PLA2G4C: variants seen among roughly 807,000 people sequenced by gnomAD.
PLA2G4C encodes the protein phospholipase A2 group IVC, also known as cytosolic phospholipase A2 gamma.
In PLA2G4C, 64 loss-of-function variants were observed where a neutral mutation model predicts 73.8. The observed-to-expected ratio is 0.87, with a 90% CI of 0.71 to 1.07. The LOEUF (loss-of-function observed/expected upper bound fraction) is 1.07. Among genes scored for constraint, PLA2G4C ranks in the 50% least tolerant of loss-of-function variants. PLA2G4C has a pLI of 0.00. For synonymous variants in PLA2G4C, 254 were observed against 252.1 expected (o/e 1.01, Z -0.07); for missense variants, 622 against 665.4 (o/e 0.93, Z 0.72).
At chr19:48,095,882 C>G (rs561886370) in intron 6 of PLA2G4C, among the ~76,000 whole-genome samples, 1 of 152,312 alleles carries the variant, frequency 6.6e-6, no homozygotes, top group South Asian at 2.1e-4. Flanking sequence ...GTGGCTGCAA[C>G]TCCATGGAAT....
rs2031229012 is a variant in PLA2G4C at position 48,090,395 on chromosome 19, AC to A, written c.731del (p.Gly244ValfsTer14). On this transcript the variant is annotated frameshift_variant, in exon 8 of 17. Coordinates refer to ENST00000599921, the MANE Select transcript of PLA2G4C (RefSeq NM_003706.3). LOFTEE classifies it high-confidence loss of function. ...FLRGLWGSAL[G>X]NTEVIREYIF... ...TGTATTCCCTAATGACTTCAGTGTT[AC>A]CAAGAGCACTTCCCCATAAACCTGC... 2 of 1,612,718 alleles carry A rather than the reference AC, an allele frequency of 1.2e-6. No individual in the cohort carries two copies. Among genetic ancestry groups the A allele is most frequent in the Non-Finnish European group, 1.7e-6 (2 of 1,178,686 alleles).
chr19:48,070,443 G>A (rs183349170), intron 12 of PLA2G4C, among the ~76,000 whole-genome samples: 6 of 152,258 alleles, frequency 3.9e-5, no homozygotes, highest in South Asian at 2.1e-4. Flanking sequence ...TCATGCATGC[G>A]TATGCTCATT....
At position 48,057,764 on chromosome 19, in the gene PLA2G4C, A is replaced by C. The variant is rs111296965; in HGVS notation, c.1258-2715T>G. On this transcript the variant is annotated intron_variant, in intron 14 of 16. Transcript: ENST00000599921. ...CTCTACCTCCCAAAGTGCTGGGATT[A>C]CAGGTGTGAGCCACCGCACCCGGCT... Among the ~76,000 whole-genome samples the C allele has an allele frequency of 6.4e-3, 968 of 150,460 alleles. 19 individuals carry two copies. Among genetic ancestry groups the C allele is most frequent in the African/African-American group, 0.022 (896 of 41,250 alleles).
chr19:48,104,437 GTCAGAATTGC>G, intron 4 of PLA2G4C, 141 bp downstream of exon 4: 2 of 705,410 alleles, frequency 2.8e-6, no homozygotes, highest in Non-Finnish European at 4.7e-6. Context: ...GGTAGCCAGC[GTCAGAATTGC>G]TCAGAATTGT....
chr19:48,100,780 A>AGCTACTATAGT (rs2031865828), intron 4 of PLA2G4C, among the ~76,000 whole-genome samples: 1 of 148,078 alleles, frequency 6.8e-6, no homozygotes, highest in African/African-American at 2.5e-5. Context: ...GTGGTTGCAG[A>AGCTACTATAGT]CCCAGCTACT....
intron 6 of PLA2G4C, chr19:48,096,622 T>A (rs1393914069): frequency 6.6e-6 from 1 of 152,316 alleles, no homozygotes. Context: ...CACTGGGGGC[T>A]TCTGAGCCTT....
chr19:48,055,500 C>T (rs181861881), intron 14 of PLA2G4C, among the ~76,000 whole-genome samples: 12 of 151,478 alleles, frequency 7.9e-5, no homozygotes, highest in East Asian at 7.7e-4. Flanking sequence ...AGGAGCCCAA[C>T]GAGATATGTG....
chr19:48,095,426 C>A, intron 7 of PLA2G4C, 38 bp downstream of exon 7: 1 of 1,602,470 alleles, frequency 6.2e-7, no homozygotes, highest in Non-Finnish European at 8.5e-7. Flanking sequence ...TCCTCCACTT[C>A]CCACCCCCTT....
chr19:48,066,152 G>C (rs944123494), intron 13 of PLA2G4C, among the ~76,000 whole-genome samples: 1 of 152,064 alleles, frequency 6.6e-6, no homozygotes, highest in African/African-American at 2.4e-5. Flanking sequence ...TTCCAAAAGG[G>C]AGGAGGGTAT....
chr19:48,081,706 C>T (rs2030579718), intron 10 of PLA2G4C, among the ~76,000 whole-genome samples: 1 of 151,228 alleles, frequency 6.6e-6, no homozygotes, highest in Admixed American at 6.6e-5. Flanking sequence ...TTGCGGTGAG[C>T]AGAGATCGCT....
rs1313576952 is a variant in PLA2G4C, at chr19:48,071,520, C to G, written c.1006+3247G>C. ...CCATGTTGGCCAGGCTGGTCTCAAG[C>G]TCCTGACCTCAAGCGATCCGCCCAC... On this transcript the variant is annotated intron_variant, in intron 12 of 16. Transcript: ENST00000599921. Among the ~76,000 whole-genome samples, 4 of 152,118 alleles carry G rather than the reference C, an allele frequency of 2.6e-5. No individual in the cohort carries two copies. In the East Asian group the frequency reaches 7.7e-4, roughly 29 times the overall value.
At chr19:48,080,457 G>A (rs531503381) in intron 10 of PLA2G4C, among the ~76,000 whole-genome samples, 3 of 152,124 alleles carry the variant, frequency 2.0e-5, no homozygotes, top group African/African-American at 7.2e-5. Flanking sequence ...TCTACCGTTC[G>A]ATCCAGCAAT....
intron 14 of PLA2G4C, among the ~76,000 whole-genome samples, chr19:48,060,065 G>T (rs1453906389): frequency 6.6e-6 from 1 of 151,810 alleles, no homozygotes; most frequent in East Asian, 1.9e-4. Context: ...CACCAGGCCT[G>T]GCTGGGCTTC....
intron 15 of PLA2G4C, among the ~76,000 whole-genome samples, chr19:48,054,382 C>A (rs1967847373): frequency 6.6e-6 from 1 of 152,148 alleles, no homozygotes; most frequent in African/African-American, 2.4e-5. Flanking sequence ...CAGCTCACTG[C>A]AACCTCCGCC....
At chr19:48,091,733 T>C (rs12982539) in intron 7 of PLA2G4C, among the ~76,000 whole-genome samples, 3 of 151,476 alleles carry the variant, frequency 2.0e-5, no homozygotes, top group Non-Finnish European at 4.4e-5. Context: ...TACTAAAAAA[T>C]ACAAAAATTA....
At chr19:48,062,692 G>C (rs1183128374) in intron 13 of PLA2G4C, among the ~76,000 whole-genome samples, 1 of 152,168 alleles carries the variant, frequency 6.6e-6, no homozygotes, top group Non-Finnish European at 1.5e-5. Context: ...TTTGGAGACA[G>C]GGTCTTTAAA....
At chr19:48,059,990 C>T (rs563745914) in intron 14 of PLA2G4C, among the ~76,000 whole-genome samples, 2 of 151,942 alleles carry the variant, frequency 1.3e-5, no homozygotes, top group Admixed American at 6.6e-5. Flanking sequence ...AGGCTGGTCT[C>T]GAACTCCTGA....
At chr19:48,065,441 C>A (rs1026890833) in intron 13 of PLA2G4C, among the ~76,000 whole-genome samples, 1 of 151,738 alleles carries the variant, frequency 6.6e-6, no homozygotes, top group Non-Finnish European at 1.5e-5. Context: ...TGTGGTGAAA[C>A]CCTGTCTCTA....
chr19:48,110,562 C>CCGGAATCCGGTGCGGAGGCTTGGGCTA lies in PLA2G4C; in HGVS notation c.-109_-108insTAGCCCAAGCCTCCGCACCGGATTCCG. 10 of 1,473,776 alleles carry CCGGAATCCGGTGCGGAGGCTTGGGCTA rather than the reference C, an allele frequency of 6.8e-6. No individual in the cohort carries two copies. Among genetic ancestry groups the CCGGAATCCGGTGCGGAGGCTTGGGCTA allele is most frequent in the East Asian group, 2.8e-5 (1 of 35,722 alleles). 91.3% of individuals were successfully genotyped at this position (1,473,776 alleles called of 1,614,324 possible). A position where few individuals can be genotyped will look rare whatever the true frequency, so the allele number is the denominator to read the frequency against. On this transcript the variant is annotated 5_prime_UTR_variant, in exon 1 of 17. Coordinates refer to ENST00000599921, the MANE Select transcript of PLA2G4C (RefSeq NM_003706.3). ...GGAATCCGGTGCGGAGGCTTGGGCT[C>CCGGAATCCGGTGCGGAGGCTTGGGCTA]CCTGCGCTTAGCGGTGTAGTCGCTG...
Sources: gnomAD v4.1 joint callset for allele counts (sites outside exome capture counted in the v4.1 genomes callset) on GRCh38, gnomAD v4.1.1 for gene constraint, MANE v1.5 for transcripts, NCBI Gene and HGNC (gene_info 2026-07-23, HGNC 2026-07-21) for gene names.